SEMA3C: variants seen among roughly 807,000 people sequenced by gnomAD.
SEMA3C encodes semaphorin 3C.
In SEMA3C, 47 loss-of-function variants were observed where a neutral mutation model predicts 89.4. That is an observed-to-expected ratio of 0.53 (90% confidence interval 0.42 to 0.67). SEMA3C has a LOEUF of 0.67. SEMA3C is among the 30% of genes least tolerant of loss of function. The pLI, the probability that SEMA3C is intolerant of heterozygous loss-of-function variation, is 0.00. For missense variants in SEMA3C, 839 were observed against 929.1 expected (o/e 0.90, Z 1.26); for synonymous variants, 310 against 320.2 (o/e 0.97, Z 0.34).
chr7:80,795,735 C>T (rs562451695), intron 11 of SEMA3C, among the ~76,000 whole-genome samples: 10 of 152,244 alleles, frequency 6.6e-5, no homozygotes, highest in Admixed American at 6.5e-4. Context: ...GTTAAGGTGC[C>T]TTTTAAGTTG....
In SEMA3C at chr7:80,795,422, TG is replaced by T. The variant is rs561321291; in HGVS notation, c.1131+2669del. Among the ~76,000 whole-genome samples the T allele has an allele frequency of 6.7e-3, 1,020 of 152,312 alleles. 4 individuals carry two copies. Among genetic ancestry groups the T allele is most frequent in the Middle Eastern group, 0.01 (3 of 294 alleles). ...GAGCTGCTCTGGTCTCAACACCAGA[TG>T]TAAGAAACCACATTATAGAAATATT... On this transcript the variant is annotated intron_variant, in intron 11 of 17. Transcript: ENST00000265361.
At chr7:80,913,480 C>T (rs1009504624) in intron 2 of SEMA3C, among the ~76,000 whole-genome samples, 6 of 152,184 alleles carry the variant, frequency 3.9e-5, no homozygotes, top group African/African-American at 1.4e-4. Context: ...CAATTCAAAA[C>T]TCACACTCAG....
chr7:80,917,278 C>T (rs568355029), intron 1 of SEMA3C, among the ~76,000 whole-genome samples: 9 of 152,330 alleles, frequency 5.9e-5, no homozygotes, highest in African/African-American at 2.2e-4. Flanking sequence ...CTTCAATAGT[C>T]ATTAGCTCTT....
chr7:80,768,539 G>T (rs927459957), intron 12 of SEMA3C, among the ~76,000 whole-genome samples: 1 of 151,440 alleles, frequency 6.6e-6, no homozygotes, highest in South Asian at 2.1e-4. Context: ...GAATTACCCC[G>T]ATAACAACTT....
chr7:80,908,553 A>G (rs924823100), intron 2 of SEMA3C, among the ~76,000 whole-genome samples: 1 of 152,200 alleles, frequency 6.6e-6, no homozygotes, highest in African/African-American at 2.4e-5. Context: ...CTGGCTGGAA[A>G]AAAAGAAAAG....
Position 80,758,610 on chromosome 7 carries a change from T to A in SEMA3C, c.1486-122A>T, listed in dbSNP as rs1788119415. 7.0e-6 allele frequency: 7 copies of A among 1,005,728 alleles called. 1 individual carries two copies. Among genetic ancestry groups the A allele is most frequent in the South Asian group, 2.8e-5 (2 of 72,306 alleles). The allele number at this position is 1,005,728 out of a possible 1,614,324, so 62.3% of individuals were successfully genotyped here. A position where few individuals can be genotyped will look rare whatever the true frequency, so the allele number is the denominator to read the frequency against. On this transcript the variant is annotated intron_variant, in intron 14 of 17. Coordinates refer to ENST00000265361, the MANE Select transcript of SEMA3C (RefSeq NM_006379.5). ...TTCATTTTGGAACCGATTAAAAACA[T>A]GAAGCAAAGCACAGAAGGGTATGAA...
At chr7:80,892,180 A>T (rs772513970) in intron 2 of SEMA3C, among the ~76,000 whole-genome samples, 2 of 152,152 alleles carry the variant, frequency 1.3e-5, no homozygotes, top group Non-Finnish European at 2.9e-5. Context: ...GTATCTTTAC[A>T]GGAGGCAATA....
At chr7:80,778,103 T>C (rs1290133870) in intron 12 of SEMA3C, among the ~76,000 whole-genome samples, 1 of 152,208 alleles carries the variant, frequency 6.6e-6, no homozygotes, top group Non-Finnish European at 1.5e-5. Flanking sequence ...GCTCAAGTGA[T>C]AATCCATCAA....
chr7:80,892,466 T>C (rs1410410389), intron 2 of SEMA3C, among the ~76,000 whole-genome samples: 4 of 152,102 alleles, frequency 2.6e-5, no homozygotes, highest in African/African-American at 9.7e-5. Context: ...GTGTGTATAT[T>C]GTCTGTAAAA....
chr7:80,844,386 T>C (rs1309520055), intron 2 of SEMA3C, among the ~76,000 whole-genome samples: 1 of 152,130 alleles, frequency 6.6e-6, no homozygotes, highest in African/African-American at 2.4e-5. Context: ...TAAATTAACA[T>C]TTATCCTCAT....
intron 2 of SEMA3C, among the ~76,000 whole-genome samples, chr7:80,878,023 C>T (rs779455229): frequency 1.2e-4 from 18 of 152,234 alleles, no homozygotes; most frequent in Middle Eastern, 3.4e-3. Flanking sequence ...TTTAATTACA[C>T]TTTGTAAGTT....
At chr7:80,828,259 GAGATGACAAAGT>G (rs1789922902) in intron 3 of SEMA3C, among the ~76,000 whole-genome samples, 1 of 152,006 alleles carries the variant, frequency 6.6e-6, no homozygotes, top group Admixed American at 6.6e-5. Context: ...TGGTTACACA[GAGATGACAAAGT>G]AGATCTTCCT....
chr7:80,789,206 G>A (rs1788874773), intron 12 of SEMA3C, 100 bp downstream of exon 12: 1 of 899,044 alleles, frequency 1.1e-6, no homozygotes, highest in South Asian at 1.7e-5. Context: ...CGTAATTATT[G>A]GAGTTTTTCT....
chr7:80,761,585 A>G (rs111687310), intron 14 of SEMA3C, 31 bp downstream of exon 14: 2 of 1,134,880 alleles, frequency 1.8e-6, no homozygotes, highest in Middle Eastern at 2.5e-4. Flanking sequence ...CATTTCAATA[A>G]GCAAAGAACA....
At chr7:80,802,534 T>C (rs34629467) in intron 9 of SEMA3C, 131 bp downstream of exon 9, 2 of 578,738 alleles carry the variant, frequency 3.5e-6, no homozygotes, top group African/African-American at 1.9e-5. Flanking sequence ...AGTATCTAGA[T>C]AATTATTTTA....
intron 12 of SEMA3C, among the ~76,000 whole-genome samples, chr7:80,786,462 G>C (rs1043419172): frequency 7.7e-4 from 116 of 149,792 alleles, no homozygotes; most frequent in African/African-American, 2.6e-3. Flanking sequence ...GGCTTCACAA[G>C]AAAAAAAAGA....
At chr7:80,882,453 T>C (rs1791367849) in intron 2 of SEMA3C, among the ~76,000 whole-genome samples, 1 of 139,478 alleles carries the variant, frequency 7.2e-6, no homozygotes, top group South Asian at 2.3e-4. Context: ...ATTTTCACTG[T>C]CAATTATGCC....
rs193109049 is a variant in SEMA3C at position 80,900,241 on chromosome 7, G to A, written c.103+16438C>T. ...CCATTCTCCCGCCTCAGCCTCCCGG[G>A]TAGCTGGGACTACAGGTGCCCGCCA... On this transcript the variant is annotated intron_variant, in intron 2 of 17. Coordinates refer to ENST00000265361, the MANE Select transcript of SEMA3C (RefSeq NM_006379.5). 8.6e-4 allele frequency among the ~76,000 whole-genome samples: 131 copies of A among 152,166 alleles called. 1 individual carries two copies. In the East Asian group the frequency reaches 0.022, roughly 26 times the overall value.
chr7:80,834,569 T>C (rs1028568690), intron 2 of SEMA3C, among the ~76,000 whole-genome samples: 1 of 152,212 alleles, frequency 6.6e-6, no homozygotes, highest in Non-Finnish European at 1.5e-5. Context: ...AGAACAAACG[T>C]TTGTTCTCTG....
Sources: allele counts gnomAD v4.1 joint callset (sites outside exome capture counted in the v4.1 genomes callset), GRCh38; gene constraint gnomAD v4.1.1; transcripts MANE v1.5; gene names NCBI Gene and HGNC (gene_info 2026-07-23, HGNC 2026-07-21).